Variants in ZNF804A observed in about 807,000 individuals in gnomAD.
ZNF804A encodes zinc finger protein 804A.
ZNF804A carries 2 observed loss-of-function variants against 16.5 expected under a neutral mutation model. The ratio of observed to expected loss-of-function variants is 0.12; its 90% CI spans 0.05 to 0.38. The LOEUF (loss-of-function observed/expected upper bound fraction) is 0.38, where lower values mean the gene tolerates loss of function less well. Ranked by LOEUF, ZNF804A falls within the 10% of genes least tolerant of loss-of-function variation. The pLI, the probability that ZNF804A is intolerant of heterozygous loss-of-function variation, is 0.99. For missense variants in ZNF804A, 1,473 were observed against 1,390.7 expected (o/e 1.06, Z -0.94); for synonymous variants, 534 against 489.6 (o/e 1.09, Z -1.20).
intron 1 of ZNF804A, 52 bp downstream of exon 1, chr2:184,599,122 G>A (rs1190853972): frequency 7.3e-7 from 1 of 1,377,104 alleles, no homozygotes; most frequent in Non-Finnish European, 1.0e-6. Flanking sequence ...GAGGGCATTT[G>A]GAAGATTGAG....
chr2:184,863,687 T>C (rs549958401), intron 1 of ZNF804A, among the ~76,000 whole-genome samples: 34 of 152,296 alleles, frequency 2.2e-4, no homozygotes, highest in African/African-American at 7.9e-4. Context: ...TTTAAGATTG[T>C]CCAGAGAGCT....
At chr2:184,756,274 A>G (rs1025082041) in intron 1 of ZNF804A, among the ~76,000 whole-genome samples, 1 of 151,504 alleles carries the variant, frequency 6.6e-6, no homozygotes, top group Admixed American at 6.6e-5. Context: ...AAGAGATGGG[A>G]TCTTGCTATG....
intron 1 of ZNF804A, among the ~76,000 whole-genome samples, chr2:184,681,133 GA>G (rs538266335): frequency 9.7e-4 from 147 of 152,310 alleles, no homozygotes; most frequent in African/African-American, 3.5e-3. Flanking sequence ...GCACAAGCCT[GA>G]ATGCAGGCTG....
At chr2:184,828,674 T>C (rs533333690) in intron 1 of ZNF804A, among the ~76,000 whole-genome samples, 13 of 152,004 alleles carry the variant, frequency 8.6e-5, no homozygotes, top group Admixed American at 4.6e-4. Context: ...CAGGTTCCCT[T>C]GACTTCATGA....
chr2:184,864,874 G>GTTTT (rs1695850835), intron 1 of ZNF804A, among the ~76,000 whole-genome samples: 1 of 117,036 alleles, frequency 8.5e-6, no homozygotes, highest in Non-Finnish European at 1.7e-5. Context: ...ATATAGTTAG[G>GTTTT]ATTTTTTTTT....
chr2:184,896,464 G>A (rs1685071716), intron 2 of ZNF804A, among the ~76,000 whole-genome samples: 1 of 152,090 alleles, frequency 6.6e-6, no homozygotes, highest in Non-Finnish European at 1.5e-5. Flanking sequence ...ATAGCCAATA[G>A]TGAATAATCA....
At chr2:184,778,014 T>C (rs1020542969) in intron 1 of ZNF804A, among the ~76,000 whole-genome samples, 9 of 151,718 alleles carry the variant, frequency 5.9e-5, no homozygotes, top group African/African-American at 1.9e-4. Context: ...AAAAGGATTA[T>C]GTTAGCTTTT....
chr2:184,882,405 A>G (rs891971307), intron 2 of ZNF804A, among the ~76,000 whole-genome samples: 2 of 152,084 alleles, frequency 1.3e-5, no homozygotes, highest in African/African-American at 4.8e-5. Context: ...TCATTGAGGT[A>G]CAAAACTAAC....
At chr2:184,623,077 A>G in intron 1 of ZNF804A, among the ~76,000 whole-genome samples, 1 of 152,116 alleles carries the variant, frequency 6.6e-6, no homozygotes, top group East Asian at 1.9e-4. Context: ...TTTGTAGACT[A>G]TTCTTTATTG....
intron 1 of ZNF804A, among the ~76,000 whole-genome samples, chr2:184,844,562 G>T (rs1028809179): frequency 6.0e-5 from 9 of 150,392 alleles, no homozygotes; most frequent in African/African-American, 2.2e-4. Flanking sequence ...CTGATGAGAA[G>T]TCTATTGTAA....
chr2:184,765,605 A>ACCC (rs148315108), intron 1 of ZNF804A, among the ~76,000 whole-genome samples: 5 of 56,178 alleles, frequency 8.9e-5, no homozygotes, highest in African/African-American at 2.7e-4. Flanking sequence ...CCTCACATGC[A>ACCC]CCCCCCCCCC....
chr2:184,926,657 G>A (rs1470336596), intron 2 of ZNF804A, among the ~76,000 whole-genome samples: 1 of 151,700 alleles, frequency 6.6e-6, no homozygotes, highest in East Asian at 1.9e-4. Context: ...CCCTTTTGAG[G>A]GTATTTTCCG....
Position 184,598,837 on chromosome 2 carries a change from G to A in ZNF804A, c.-123G>A, listed in dbSNP as rs1004125161. ...TGAGCCAGTCTCCAGAGGACGTGCC[G>A]GGGGTGGCTGCGTGCCCTCGTGGCG... On this transcript the variant is annotated 5_prime_UTR_variant, in exon 1 of 4. Transcript: ENST00000302277. 8.0e-6 allele frequency: 4 copies of A among 501,086 alleles called. No homozygotes were observed. Among genetic ancestry groups the A allele is most frequent in the Non-Finnish European group, 1.3e-5 (4 of 298,036 alleles). 31.0% of individuals were successfully genotyped at this position (501,086 alleles called of 1,614,324 possible). A position where few individuals can be genotyped will look rare whatever the true frequency, so the allele number is the denominator to read the frequency against.
intron 1 of ZNF804A, among the ~76,000 whole-genome samples, chr2:184,650,757 T>C (rs935488022): frequency 6.6e-6 from 1 of 151,778 alleles, no homozygotes; most frequent in Non-Finnish European, 1.5e-5. Context: ...AGTTGAAAGG[T>C]CTCTGCAGGG....
intron 2 of ZNF804A, among the ~76,000 whole-genome samples, chr2:184,926,384 C>T (rs558912244): frequency 3.4e-4 from 51 of 152,012 alleles, no homozygotes; most frequent in Non-Finnish European, 5.6e-4. Context: ...TGTTGGACCT[C>T]CATATTATAT....
chr2:184,610,911 A>G (rs891260274), intron 1 of ZNF804A, among the ~76,000 whole-genome samples: 2 of 152,220 alleles, frequency 1.3e-5, no homozygotes, highest in Non-Finnish European at 2.9e-5. Context: ...ATGGATTTAC[A>G]TAATTTGGAC....
intron 1 of ZNF804A, among the ~76,000 whole-genome samples, chr2:184,647,477 G>A (rs1045948897): frequency 6.6e-6 from 1 of 152,114 alleles, no homozygotes; most frequent in Non-Finnish European, 1.5e-5. Flanking sequence ...ATACATGGTT[G>A]AAAATCAACA....
chr2:184,757,769 G>A (rs1693981627), intron 1 of ZNF804A, among the ~76,000 whole-genome samples: 1 of 151,936 alleles, frequency 6.6e-6, no homozygotes, highest in Non-Finnish European at 1.5e-5. Context: ...TCCTTGCCAT[G>A]AGATTCAAAG....
chr2:184,687,881 G>A (rs1472524887), intron 1 of ZNF804A, among the ~76,000 whole-genome samples: 2 of 152,198 alleles, frequency 1.3e-5, no homozygotes, highest in Non-Finnish European at 2.9e-5. Flanking sequence ...CACTTTGGGA[G>A]GCCAAGGCGG....
Sources: allele counts gnomAD v4.1 joint callset (sites outside exome capture counted in the v4.1 genomes callset), GRCh38; gene constraint gnomAD v4.1.1; transcripts MANE v1.5; gene names NCBI Gene and HGNC (gene_info 2026-07-23, HGNC 2026-07-21).